The following PNLIPRP3 variants were observed in gnomAD, a reference collection of about 807,000 sequenced individuals.
PNLIPRP3 encodes pancreatic lipase-related protein 3.
PNLIPRP3 carries 58 observed loss-of-function variants against 52.8 expected under a neutral mutation model. The ratio of observed to expected loss-of-function variants is 1.10; its 90% CI spans 0.89 to 1.37. The LOEUF (loss-of-function observed/expected upper bound fraction) is 1.37. Among genes scored for constraint, PNLIPRP3 ranks in the 40% most tolerant of loss-of-function variants. The probability of loss-of-function intolerance (pLI) is 0.00; values close to 1 mark genes in which losing one functional copy is unlikely to be tolerated. For synonymous variants in PNLIPRP3, 192 were observed against 185.0 expected, an observed-to-expected ratio of 1.04 and a Z score of -0.31; for missense variants, 593 against 561.6, an observed-to-expected ratio of 1.06 and a Z score of -0.57.
At chr10:116,455,974 T>G (rs1356481934) in intron 5 of PNLIPRP3, 144 bp downstream of exon 5, 4 of 680,326 alleles carry the variant, frequency 5.9e-6, no homozygotes, top group Admixed American at 2.9e-5. Context: ...CGTGAACGTG[T>G]TTTCAGAGCA....
intron 8 of PNLIPRP3, 111 bp downstream of exon 8, chr10:116,466,279 T>A: frequency 1.4e-6 from 1 of 711,214 alleles, no homozygotes; most frequent in Non-Finnish European, 2.3e-6. Flanking sequence ...GCACCTGCCA[T>A]TTTGGGAAAT....
chr10:116,442,047 T>C (rs1218091916), intron 2 of PNLIPRP3, among the ~76,000 whole-genome samples: 1 of 152,188 alleles, frequency 6.6e-6, no homozygotes, highest in African/African-American at 2.4e-5. Context: ...GGCTCTTTGT[T>C]TGAATTTCAT....
At chr10:116,473,103 T>C (rs1265396099) in intron 10 of PNLIPRP3, among the ~76,000 whole-genome samples, 1 of 152,226 alleles carries the variant, frequency 6.6e-6, no homozygotes, top group African/African-American at 2.4e-5. Context: ...GTGAGAGCGT[T>C]TCCACATCTC....
At chr10:116,435,182 T>G (rs759647528) in intron 1 of PNLIPRP3, among the ~76,000 whole-genome samples, 9 of 152,164 alleles carry the variant, frequency 5.9e-5, no homozygotes, top group Non-Finnish European at 1.2e-4. Context: ...TTTTCAACTT[T>G]TTGGAGTCAG....
At chr10:116,435,486 A>G (rs559851309) in intron 1 of PNLIPRP3, among the ~76,000 whole-genome samples, 29 of 151,076 alleles carry the variant, frequency 1.9e-4, no homozygotes, top group African/African-American at 5.1e-4. Context: ...AAAACAGTGT[A>G]TTGACCGCAT....
At chr10:116,437,892 C>T (rs1260770698) in intron 2 of PNLIPRP3, among the ~76,000 whole-genome samples, 4 of 152,118 alleles carry the variant, frequency 2.6e-5, no homozygotes, top group Admixed American at 2.0e-4. Context: ...AGAATATTTC[C>T]GTCATCACAG....
At chr10:116,433,758 G>A (rs1163048275) in intron 1 of PNLIPRP3, among the ~76,000 whole-genome samples, 1 of 152,102 alleles carries the variant, frequency 6.6e-6, no homozygotes, top group Admixed American at 6.5e-5. Flanking sequence ...GCTCAAAACA[G>A]AGCCTACTCA....
Position 116,477,224 on chromosome 10 carries a change from C to A in PNLIPRP3, c.*71C>A. 1.5e-6 allele frequency: 2 copies of A among 1,308,284 alleles called. No homozygotes were observed. Among genetic ancestry groups the A allele is most frequent in the Non-Finnish European group, 2.2e-6 (2 of 929,554 alleles). The allele number at this position is 1,308,284 out of a possible 1,614,324, so 81.0% of individuals were successfully genotyped here. ...AAAAGTGTCTCCTTCCACCTGGCAT[C>A]CAGACCAAATTTGACCCTTGTAAAT... is the stretch of plus-strand genomic sequence containing the variant. On this transcript the variant is annotated 3_prime_UTR_variant, in exon 12 of 12. Coordinates refer to ENST00000369230, the MANE Select transcript of PNLIPRP3 (RefSeq NM_001011709.3).
At chr10:116,467,952 T>C (rs1434524813) in intron 8 of PNLIPRP3, among the ~76,000 whole-genome samples, 1 of 151,492 alleles carries the variant, frequency 6.6e-6, no homozygotes, top group Admixed American at 6.6e-5. Flanking sequence ...GGTGAAACCC[T>C]GTCTCTACTA....
intron 4 of PNLIPRP3, among the ~76,000 whole-genome samples, chr10:116,446,602 A>G (rs932283270): frequency 6.6e-6 from 1 of 152,198 alleles, no homozygotes; most frequent in Admixed American, 6.5e-5. Context: ...GTGAAACTAA[A>G]AATGCTTGCT....
At chr10:116,458,435 T>A (rs538084156) in intron 5 of PNLIPRP3, among the ~76,000 whole-genome samples, 1 of 139,346 alleles carries the variant, frequency 7.2e-6, no homozygotes, top group African/African-American at 2.7e-5. Flanking sequence ...CTTCCTTACG[T>A]CTTGGAAAGA....
At chr10:116,448,193 A>AT (rs1564697326) in intron 4 of PNLIPRP3, among the ~76,000 whole-genome samples, 1 of 152,188 alleles carries the variant, frequency 6.6e-6, no homozygotes. Flanking sequence ...GTTAAAAGAC[A>AT]AAAGTATTAA....
At chr10:116,450,389 G>A (rs1350152169) in intron 4 of PNLIPRP3, among the ~76,000 whole-genome samples, 1 of 151,930 alleles carries the variant, frequency 6.6e-6, no homozygotes, top group Non-Finnish European at 1.5e-5. Flanking sequence ...CCAAAAAATT[G>A]GATACCCCTG....
chr10:116,450,416 A>C (rs1193087486), intron 4 of PNLIPRP3, among the ~76,000 whole-genome samples: 1 of 152,224 alleles, frequency 6.6e-6, no homozygotes, highest in Non-Finnish European at 1.5e-5. Flanking sequence ...ATAAAGGAGA[A>C]TAAACTTATT....
In PNLIPRP3 at chr10:116,455,750, T is replaced by A. The variant is rs769249553; in HGVS notation, c.485T>A (p.Val162Glu). The A allele has an allele frequency of 1.2e-6, 2 of 1,613,938 alleles. No homozygotes were observed. The part of the protein sequence containing the change: ...MKKFEYSPSK[V>E]HLIGHSLGAH... Reference sequence around the variant, plus strand: ...AAATTTGAATATTCCCCTTCTAAAGTGCACTTGATTGGCCACAGCTTGGGA... The same window carrying A: ...AAATTTGAATATTCCCCTTCTAAAGAGCACTTGATTGGCCACAGCTTGGGA... Residue 162 changes from valine to glutamate, a missense_variant, in exon 5 of 12, where the codon GTG becomes GAG. Transcript: ENST00000369230.
intron 7 of PNLIPRP3, among the ~76,000 whole-genome samples, chr10:116,464,254 T>C (rs1190145225): frequency 6.6e-6 from 1 of 152,198 alleles, no homozygotes; most frequent in Non-Finnish European, 1.5e-5. Flanking sequence ...CAGTTATTCT[T>C]GCAGAAACAG....
chr10:116,456,630 T>C (rs1327841728), intron 5 of PNLIPRP3, among the ~76,000 whole-genome samples: 2 of 152,202 alleles, frequency 1.3e-5, no homozygotes, highest in African/African-American at 4.8e-5. Flanking sequence ...CGGAGCAAAG[T>C]ATATAGCATG....
At chr10:116,437,740 A>G (rs993407063) in intron 2 of PNLIPRP3, among the ~76,000 whole-genome samples, 38 of 152,298 alleles carry the variant, frequency 2.5e-4, no homozygotes, top group African/African-American at 8.9e-4. Context: ...GCTGTCCAAC[A>G]TAGTAGCCAC....
At chr10:116,451,216 T>C (rs1018764402) in intron 4 of PNLIPRP3, among the ~76,000 whole-genome samples, 3 of 152,122 alleles carry the variant, frequency 2.0e-5, no homozygotes, top group Non-Finnish European at 4.4e-5. Context: ...AAGCTGGATA[T>C]CCACATAAAA....
Sources: gnomAD v4.1 joint callset for allele counts (sites outside exome capture counted in the v4.1 genomes callset) on GRCh38, gnomAD v4.1.1 for gene constraint, MANE v1.5 for transcripts, NCBI Gene and HGNC (gene_info 2026-07-23, HGNC 2026-07-21) for gene names.